The following RNLS variants were observed in gnomAD, a reference collection of about 807,000 sequenced individuals.
The protein encoded by RNLS is renalase.
RNLS carries 39 observed loss-of-function variants against 39.8 expected under a neutral mutation model. The observed-to-expected ratio is 0.98, with a 90% CI of 0.76 to 1.28. The LOEUF is 1.28. RNLS is among the 50% of genes most tolerant of loss of function. The pLI is 0.00. For synonymous variants in RNLS, 147 were observed against 150.7 expected (o/e 0.98, Z 0.18); for missense variants, 410 against 413.3 (o/e 0.99, Z 0.07).
chr10:88,469,978 A>G, intron 4 of RNLS, among the ~76,000 whole-genome samples: 1 of 151,846 alleles, frequency 6.6e-6, no homozygotes, highest in East Asian at 1.9e-4. Flanking sequence ...TATCTCATAT[A>G]TATTTATATA....
intron 5 of RNLS, among the ~76,000 whole-genome samples, chr10:88,325,791 G>T (rs935765967): frequency 6.6e-6 from 1 of 152,148 alleles, no homozygotes; most frequent in Non-Finnish European, 1.5e-5. Flanking sequence ...ATCTTGAATT[G>T]TAATCCCTAT....
chr10:88,409,269 T>C (rs1801089165), intron 4 of RNLS, among the ~76,000 whole-genome samples: 1 of 151,828 alleles, frequency 6.6e-6, no homozygotes, highest in Non-Finnish European at 1.5e-5. Context: ...CTATTTACCA[T>C]TTGGGATACA....
intron 4 of RNLS, among the ~76,000 whole-genome samples, chr10:88,396,705 T>TA (rs35417528): frequency 2.6e-4 from 38 of 144,502 alleles, no homozygotes; most frequent in Middle Eastern, 3.6e-3. Flanking sequence ...CATAATGGAT[T>TA]AAAAAAAAAA....
rs530150086 is a variant in RNLS at position 88,386,503 on chromosome 10, T to C, written c.527-23778A>G. On this transcript the variant is annotated intron_variant, in intron 4 of 6. Transcript: ENST00000331772. ...TTCTTGTACTGTTTCAGTTTTTAAG[T>C]AGGTTTCAAAGGTTATGAGAAAGGC... Among the ~76,000 whole-genome samples the C allele has an allele frequency of 3.3e-5, 5 of 152,348 alleles. No homozygotes were observed. In the South Asian group the frequency reaches 1.0e-3, roughly 32 times the overall value.
At chr10:88,431,988 T>C (rs1855158173) in intron 4 of RNLS, among the ~76,000 whole-genome samples, 1 of 151,814 alleles carries the variant, frequency 6.6e-6, no homozygotes, top group African/African-American at 2.4e-5. Flanking sequence ...AGTTGATTGA[T>C]AGTGTTATAT....
intron 5 of RNLS, among the ~76,000 whole-genome samples, chr10:88,320,187 C>G (rs779551055): frequency 6.6e-6 from 1 of 151,554 alleles, no homozygotes; most frequent in South Asian, 2.1e-4. Context: ...ATTTTATACC[C>G]TGCCAAACTA....
chr10:88,438,318 T>C (rs944659783), intron 4 of RNLS, among the ~76,000 whole-genome samples: 2 of 152,128 alleles, frequency 1.3e-5, no homozygotes, highest in Non-Finnish European at 2.9e-5. Context: ...GGTGACTTTA[T>C]TGAGCTGCTG....
intron 4 of RNLS, among the ~76,000 whole-genome samples, chr10:88,435,951 A>G (rs1380233809): frequency 1.3e-5 from 2 of 152,148 alleles, no homozygotes; most frequent in African/African-American, 2.4e-5. Context: ...AAGGGTATCA[A>G]TGAGTGATCT....
chr10:88,475,996 ATGTTC>A (rs1843805054), intron 4 of RNLS, among the ~76,000 whole-genome samples: 1 of 152,100 alleles, frequency 6.6e-6, no homozygotes, highest in Non-Finnish European at 1.5e-5. Flanking sequence ...CTCTTTGGAG[ATGTTC>A]TATAAATCCA....
downstream of RNLS, among the ~76,000 whole-genome samples, chr10:88,282,483 AC>A (rs1843052699): frequency 3.4e-4 from 3 of 8,806 alleles, no homozygotes; most frequent in Admixed American, 2.6e-3. Flanking sequence ...GAAAATACAC[AC>A]ACACACACAC....
chr10:88,371,440 G>T (rs552754715), intron 4 of RNLS, among the ~76,000 whole-genome samples: 2 of 152,054 alleles, frequency 1.3e-5, no homozygotes, highest in African/African-American at 4.8e-5. Context: ...TCAGAGTAGA[G>T]AATAAAAACA....
intron 4 of RNLS, among the ~76,000 whole-genome samples, chr10:88,551,969 A>G (rs1334837628): frequency 1.3e-5 from 2 of 152,232 alleles, no homozygotes; most frequent in Non-Finnish European, 2.9e-5. Flanking sequence ...AACGAACTAA[A>G]GTTTGTTTCT....
exon 7 of RNLS, chr10:88,274,884 T>G (rs1842754708): frequency 9.6e-7 from 1 of 1,046,014 alleles, no homozygotes; most frequent in Non-Finnish European, 1.5e-6. Flanking sequence ...ATAATAGCTA[T>G]CCTAAAGGCT....
At chr10:88,338,377 GA>G (rs1297379878) in intron 5 of RNLS, among the ~76,000 whole-genome samples, 1 of 152,186 alleles carries the variant, frequency 6.6e-6, no homozygotes, top group Non-Finnish European at 1.5e-5. Context: ...CATTATTTAA[GA>G]AAGCTTTGGT....
At chr10:88,565,586 C>T (rs1284237521) in intron 4 of RNLS, among the ~76,000 whole-genome samples, 1 of 151,790 alleles carries the variant, frequency 6.6e-6, no homozygotes. Flanking sequence ...CATCCAAAGA[C>T]CCTCATCCTC....
chr10:88,492,663 C>T (rs1239766721), intron 4 of RNLS, among the ~76,000 whole-genome samples: 3 of 152,092 alleles, frequency 2.0e-5, no homozygotes, highest in Admixed American at 1.3e-4. Context: ...AAGTAATCCA[C>T]CCACCTTGGC....
At chr10:88,231,750 C>A in the RNLS span, among the ~76,000 whole-genome samples, 1 of 152,244 alleles carries the variant, frequency 6.6e-6, no homozygotes, top group South Asian at 2.1e-4. Flanking sequence ...CAAATAGAGA[C>A]AGATTCCAAG....
chr10:88,439,673 C>T (rs1841603908), intron 4 of RNLS, among the ~76,000 whole-genome samples: 1 of 152,162 alleles, frequency 6.6e-6, no homozygotes, highest in African/African-American at 2.4e-5. Context: ...CTCAAATCCT[C>T]AATTTACAAA....
chr10:88,511,778 C>T (rs1037758936), intron 4 of RNLS, among the ~76,000 whole-genome samples: 13 of 152,128 alleles, frequency 8.5e-5, no homozygotes, highest in Non-Finnish European at 1.5e-4. Flanking sequence ...ACAATGATGG[C>T]TGAGGATTAA....
Sources: gnomAD v4.1 joint callset for allele counts (sites outside exome capture counted in the v4.1 genomes callset) on GRCh38, gnomAD v4.1.1 for gene constraint, MANE v1.5 for transcripts, NCBI Gene and HGNC (gene_info 2026-07-23, HGNC 2026-07-21) for gene names.